Variants in MINK1 observed in about 807,000 individuals in gnomAD.
MINK1 encodes the protein misshapen-like kinase 1.
Under a neutral mutation model 178.4 loss-of-function variants are expected in MINK1, and 46 were observed. That is an observed-to-expected ratio of 0.26 (90% CI 0.20 to 0.33). The LOEUF is 0.33. Among genes scored for constraint, MINK1 ranks in the 10% least tolerant of loss-of-function variants. MINK1 has a pLI of 1.00. For missense variants in MINK1, 1,366 were observed against 1,814.9 expected, an observed-to-expected ratio of 0.75 and a Z score of 4.49; for synonymous variants, 797 against 709.7, an observed-to-expected ratio of 1.12 and a Z score of -1.96.
At position 4,889,733 on chromosome 17, in the gene MINK1, G is replaced by A. The variant is rs1479401654; in HGVS notation, c.1317G>A (p.Glu439=). Residue 439 remains glutamate, a synonymous_variant, in exon 13 of 32, where the codon GAG becomes GAA. Transcript: ENST00000355280. ...AGGACATGCAGGCTCTGCGGCGGGA[G>A]GAGGAGCGGCGGCAGGCGGAGCGCG... ...RLEDMQALRR[E]EERRQAEREQ... is the part of the protein sequence containing the mutation. The A allele has an allele frequency of 1.9e-6, 3 of 1,547,196 alleles. No individual in the cohort carries two copies. Among genetic ancestry groups the A allele is most frequent in the South Asian group, 2.4e-5 (2 of 84,308 alleles).
At chr17:4,858,763 C>T (rs1418189951) in intron 1 of MINK1, among the ~76,000 whole-genome samples, 3 of 152,152 alleles carry the variant, frequency 2.0e-5, no homozygotes, top group Admixed American at 6.5e-5. Flanking sequence ...CTCCCGCTTC[C>T]GCATCTGTTT....
intron 1 of MINK1, chr17:4,856,985 G>A (rs1913257074): frequency 5.7e-6 from 1 of 175,024 alleles, no homozygotes; most frequent in Non-Finnish European, 1.2e-5. Flanking sequence ...TGGCAAAGAT[G>A]AGGATCAGTA....
Position 4,893,274 on chromosome 17 carries a change from G to C in MINK1, c.2401-160G>C, listed in dbSNP as rs1481424709. On this transcript the variant is annotated intron_variant, in intron 20 of 31. Transcript: ENST00000355280. ...CTCTTCTGGCTCTTTCTTCCCCTGCGGCCCCTCCCAGAGCTATAAGCGAGC... is the reference window on the plus strand; with the variant it reads ...CTCTTCTGGCTCTTTCTTCCCCTGCCGCCCCTCCCAGAGCTATAAGCGAGC... 1.9e-6 allele frequency: 3 copies of C among 1,613,636 alleles called. No homozygotes were observed. The African/African-American group carries it at 4.0e-5, about 22-fold the overall frequency.
intron 4 of MINK1, among the ~76,000 whole-genome samples, chr17:4,881,643 CAG>C (rs1411864146): frequency 6.6e-6 from 1 of 152,252 alleles, no homozygotes; most frequent in African/African-American, 2.4e-5. Flanking sequence ...GGGAAAGCAA[CAG>C]AACCAAAATA....
intron 5 of MINK1, 69 bp downstream of exon 5, chr17:4,884,542 A>G (rs149829584): frequency 8.4e-7 from 1 of 1,194,684 alleles, no homozygotes; most frequent in Non-Finnish European, 1.2e-6. Flanking sequence ...ATGAGCAAAG[A>G]TCCTCCCTGC....
rs953870518 is a variant in MINK1, at chr17:4,890,653, A to G, written c.1484A>G (p.Gln495Arg). Residue 495 changes from glutamine to arginine, a missense_variant, in exon 14 of 32, where the codon CAG (glutamine) becomes CGG (arginine). Gln to Arg is a conservative substitution (Grantham distance 43). Coordinates refer to ENST00000355280, the MANE Select transcript of MINK1 (RefSeq NM_153827.5). ...QQQLQKQQQQ[Q>R]LLPGDRKPLY... ...CAGCTTCAGAAACAGCAGCAGCAGC[A>G]GCTCCTGCCTGGGGACAGGAAGCCC... 68 of 1,551,972 alleles carry G rather than the reference A, an allele frequency of 4.4e-5. No homozygotes were observed. The highest frequency in any genetic ancestry group is 5.8e-5 in the Non-Finnish European group (66 of 1,147,626).
At chr17:4,867,104 T>TAATAATAATAATAATAATAATAATAAA (rs1180632644) in intron 1 of MINK1, among the ~76,000 whole-genome samples, 10 of 138,748 alleles carry the variant, frequency 7.2e-5, no homozygotes, top group South Asian at 2.3e-4. Flanking sequence ...ATAATAATAA[T>TAATAATAATAATAATAATAATAATAAA]AAACTGCACA....
chr17:4,857,879 C>T (rs1436240234), intron 1 of MINK1, among the ~76,000 whole-genome samples: 2 of 152,126 alleles, frequency 1.3e-5, no homozygotes, highest in Non-Finnish European at 2.9e-5. Context: ...TAAGACACCA[C>T]CCTTCTGTCA....
chr17:4,893,730 T>A, intron 21 of MINK1, 133 bp downstream of exon 21: 1 of 1,287,648 alleles, frequency 7.8e-7, no homozygotes, highest in Non-Finnish European at 1.0e-6. Flanking sequence ...GGGGTGAGGG[T>A]GCAGGTTCCT....
At chr17:4,860,589 G>C (rs1362442684) in intron 1 of MINK1, among the ~76,000 whole-genome samples, 1 of 152,148 alleles carries the variant, frequency 6.6e-6, no homozygotes, top group East Asian at 1.9e-4. Context: ...GTTGATGCTG[G>C]GCCCCAGGCA....
chr17:4,839,186 G>A (rs1232804583), intron 1 of MINK1, among the ~76,000 whole-genome samples: 1 of 152,032 alleles, frequency 6.6e-6, no homozygotes, highest in East Asian at 1.9e-4. Flanking sequence ...CTTGTAATCT[G>A]CCCGCCTCAG....
intron 1 of MINK1, among the ~76,000 whole-genome samples, chr17:4,861,304 T>C (rs1183627531): frequency 6.6e-6 from 1 of 152,152 alleles, no homozygotes; most frequent in East Asian, 1.9e-4. Flanking sequence ...TGCGTTAACA[T>C]CACTGTTGGC....
At chr17:4,882,870 C>T (rs537149374) in intron 4 of MINK1, 2 of 152,280 alleles carry the variant, frequency 1.3e-5, no homozygotes, top group East Asian at 3.9e-4. Context: ...CCTGTAATCC[C>T]AGCACTTCGG....
At position 4,896,928 on chromosome 17, in the gene MINK1, C is replaced by G; in HGVS notation, c.3915+115C>G. ...GGTGGCTTCCTGAAAGCGGGCCCCT[C>G]TGGGAGCTCAGAGGGCAGTCAGCCA... On this transcript the variant is annotated intron_variant, in intron 31 of 31. Transcript: ENST00000355280. This position sits in a 1 kb window ranked among gnomAD's most constrained non-coding sequence, Gnocchi z 4.6. The G allele has an allele frequency of 1.5e-6, 2 of 1,364,256 alleles. No homozygotes were observed. The highest frequency in any genetic ancestry group is 3.1e-5 in the South Asian group (2 of 65,062). 84.5% of individuals were successfully genotyped at this position (1,364,256 alleles called of 1,614,324 possible).
intron 1 of MINK1, among the ~76,000 whole-genome samples, chr17:4,860,240 C>G (rs1024912799): frequency 2.6e-5 from 4 of 152,336 alleles, no homozygotes; most frequent in African/African-American, 7.2e-5. Context: ...TCCTTCTGCT[C>G]ATTCAGTCGT....
chr17:4,896,669 C>T lies in MINK1; in HGVS notation c.3776-5C>T, dbSNP rs930933223. 20 of 1,602,238 alleles carry T rather than the reference C, an allele frequency of 1.2e-5. No individual in the cohort carries two copies. Among genetic ancestry groups the T allele is most frequent in the South Asian group, 1.0e-4 (9 of 89,334 alleles). ...CCTGCTCAGCCCCTCACCTGTTCCCCACAGCCTACATCTGCTCCAACCAGA... is the reference window on the plus strand; with the variant it reads ...CCTGCTCAGCCCCTCACCTGTTCCCTACAGCCTACATCTGCTCCAACCAGA... On this transcript the variant is annotated splice_polypyrimidine_tract_variant and splice_region_variant and intron_variant, in intron 30 of 31. Coordinates refer to ENST00000355280, the MANE Select transcript of MINK1 (RefSeq NM_153827.5). The surrounding 1 kb of genome is among the most constrained non-coding windows in gnomAD (Gnocchi z 4.6).
intron 1 of MINK1, chr17:4,860,632 C>T (rs981001049): frequency 8.2e-6 from 4 of 487,384 alleles, no homozygotes; most frequent in East Asian, 6.1e-5. Context: ...CTCACATTTG[C>T]CCCTAGTTTT....
At chr17:4,843,781 G>A (rs1414078141) in intron 1 of MINK1, among the ~76,000 whole-genome samples, 1 of 152,158 alleles carries the variant, frequency 6.6e-6, no homozygotes, top group Non-Finnish European at 1.5e-5. Flanking sequence ...TAACTTGGAA[G>A]TTAAGTAACT....
rs1909256544 is a variant in MINK1, at chr17:4,836,007, G to C, written c.57+2367G>C. Among the ~76,000 whole-genome samples the C allele has an allele frequency of 6.6e-6, 1 of 152,124 alleles. No homozygotes were observed. The highest frequency in any genetic ancestry group is 1.5e-5 in the Non-Finnish European group (1 of 68,028). ...GGGAGGGCTGTACCTCCTTTGACATGGGGCTAGCCAGGGCCTACCTTCTCC... is the reference window on the plus strand; with the variant it reads ...GGGAGGGCTGTACCTCCTTTGACATCGGGCTAGCCAGGGCCTACCTTCTCC... On this transcript the variant is annotated intron_variant, in intron 1 of 31. Coordinates refer to ENST00000355280, the MANE Select transcript of MINK1 (RefSeq NM_153827.5). This position sits in a 1 kb window ranked among gnomAD's most constrained non-coding sequence, Gnocchi z 4.3.
Sources: gnomAD v4.1 joint callset for allele counts (sites outside exome capture counted in the v4.1 genomes callset) on GRCh38, gnomAD v4.1.1 for gene constraint, Gnocchi (gnomAD v3.1) non-coding constraint, MANE v1.5 for transcripts, NCBI Gene and HGNC (gene_info 2026-07-23, HGNC 2026-07-21) for gene names.